Variants in ADAM10 observed in about 807,000 individuals in gnomAD.
The protein encoded by ADAM10 is ADAM metallopeptidase domain 10.
A neutral mutation model predicts 90.1 loss-of-function variants in ADAM10; 17 were observed. That is an observed-to-expected ratio of 0.19 (90% CI 0.13 to 0.28). The LOEUF is 0.28. ADAM10 is among the 10% of genes least tolerant of loss of function. The pLI, the probability that ADAM10 is intolerant of heterozygous loss-of-function variation, is 1.00. For missense variants in ADAM10, 610 were observed against 914.3 expected, an observed-to-expected ratio of 0.67 and a Z score of 4.29; for synonymous variants, 310 against 298.6, an observed-to-expected ratio of 1.04 and a Z score of -0.40.
intron 4 of ADAM10, among the ~76,000 whole-genome samples, chr15:58,676,846 C>A (rs1566990762): frequency 6.6e-6 from 1 of 152,030 alleles, no homozygotes. Context: ...ATAATAATTT[C>A]TTTAAAAAAA....
intron 1 of ADAM10, 116 bp from the exon 2 acceptor site, chr15:58,717,843 C>A: frequency 7.1e-7 from 1 of 1,412,322 alleles, no homozygotes; most frequent in Non-Finnish European, 9.5e-7. Context: ...CTAATCCCAG[C>A]ACTATTATGA....
intron 4 of ADAM10, chr15:58,676,071 C>A: frequency 3.8e-6 from 1 of 263,366 alleles, no homozygotes; most frequent in Non-Finnish European, 7.7e-6. Context: ...ATAAACACTG[C>A]TAAATATATT....
At chr15:58,621,730 A>T (rs1895793444) in intron 10 of ADAM10, 109 bp from the exon 11 acceptor site, 2 of 1,350,120 alleles carry the variant, frequency 1.5e-6, no homozygotes, top group African/African-American at 2.9e-5. Context: ...GAAAACTTTG[A>T]TGAATAAGTA....
intron 4 of ADAM10, among the ~76,000 whole-genome samples, chr15:58,668,227 T>C (rs377512241): frequency 3.9e-5 from 6 of 152,272 alleles, no homozygotes; most frequent in African/African-American, 1.4e-4. Context: ...GTATGGATAG[T>C]TTCTAAAAGT....
intron 4 of ADAM10, among the ~76,000 whole-genome samples, chr15:58,665,969 G>A (rs1175182107): frequency 1.3e-5 from 2 of 151,562 alleles, no homozygotes; most frequent in African/African-American, 4.8e-5. Flanking sequence ...TCCTACCTCA[G>A]TTTCTCATTT....
intron 2 of ADAM10, among the ~76,000 whole-genome samples, chr15:58,698,724 T>C (rs1421757122): frequency 6.6e-6 from 1 of 152,072 alleles, no homozygotes; most frequent in Non-Finnish European, 1.5e-5. Flanking sequence ...TTCACAACTT[T>C]AAGACAGGTA....
intron 2 of ADAM10, among the ~76,000 whole-genome samples, chr15:58,705,539 G>A (rs1425657334): frequency 1.3e-5 from 2 of 152,164 alleles, no homozygotes; most frequent in Non-Finnish European, 2.9e-5. Context: ...CCACGTCGTA[G>A]TAATAGCTGG....
At chr15:58,691,604 C>T (rs1897800301) in intron 2 of ADAM10, 1 of 475,020 alleles carries the variant, frequency 2.1e-6, no homozygotes, top group Non-Finnish European at 4.2e-6. Context: ...TAGAGAATAC[C>T]TCATCTAATT....
At chr15:58,626,374 T>C (rs1464768443) in intron 10 of ADAM10, among the ~76,000 whole-genome samples, 2 of 152,224 alleles carry the variant, frequency 1.3e-5, no homozygotes, top group Non-Finnish European at 2.9e-5. Context: ...GAAATCTTCC[T>C]GAATTCTTTC....
chr15:58,676,342 G>C (rs1375664237), intron 4 of ADAM10: 2 of 454,608 alleles, frequency 4.4e-6, no homozygotes, highest in Non-Finnish European at 8.8e-6. Flanking sequence ...ACGTTATTTT[G>C]AGAATTCAAT....
At chr15:58,649,155 C>T (rs1896625012) in intron 5 of ADAM10, among the ~76,000 whole-genome samples, 1 of 151,876 alleles carries the variant, frequency 6.6e-6, no homozygotes, top group Admixed American at 6.6e-5. Flanking sequence ...TTCTTTCTTG[C>T]CTTGTTTTGG....
At chr15:58,741,395 T>C (rs1185755645) in intron 1 of ADAM10, among the ~76,000 whole-genome samples, 2 of 152,204 alleles carry the variant, frequency 1.3e-5, no homozygotes, top group African/African-American at 4.8e-5. Context: ...TAAACTTCTA[T>C]AATCCAGCTA....
chr15:58,636,930 C>T (rs948931984), intron 8 of ADAM10, among the ~76,000 whole-genome samples: 31 of 152,188 alleles, frequency 2.0e-4, no homozygotes, highest in African/African-American at 7.5e-4. Context: ...AGGCATTTGG[C>T]TTTCAAGTCT....
intron 1 of ADAM10, chr15:58,747,998 G>A (rs911453684): frequency 6.6e-6 from 1 of 152,158 alleles, no homozygotes; most frequent in East Asian, 1.9e-4. Context: ...TGAAAGCCAC[G>A]TTTAGAACAG....
intron 1 of ADAM10, among the ~76,000 whole-genome samples, chr15:58,725,490 G>C (rs1000767096): frequency 6.6e-6 from 1 of 151,348 alleles, no homozygotes; most frequent in South Asian, 2.1e-4. Flanking sequence ...AGGTTGCAGT[G>C]AGCTATGATC....
intron 1 of ADAM10, among the ~76,000 whole-genome samples, chr15:58,727,547 G>C (rs1899081772): frequency 6.6e-6 from 1 of 152,066 alleles, no homozygotes; most frequent in Non-Finnish European, 1.5e-5. Context: ...GTCTAGGCTG[G>C]TCTCAAACAC....
At chr15:58,668,650 A>C (rs973752329) in intron 4 of ADAM10, among the ~76,000 whole-genome samples, 3 of 152,108 alleles carry the variant, frequency 2.0e-5, no homozygotes, top group African/African-American at 7.2e-5. Flanking sequence ...GGTAGTATGC[A>C]CTACCCCAGG....
chr15:58,649,849 C>G (rs533218919), intron 5 of ADAM10, among the ~76,000 whole-genome samples: 1 of 152,254 alleles, frequency 6.6e-6, no homozygotes, highest in African/African-American at 2.4e-5. Context: ...TGGAAAAATT[C>G]TCAGCCATTA....
At chr15:58,626,872 G>A (rs1399479669) in intron 10 of ADAM10, among the ~76,000 whole-genome samples, 1 of 152,160 alleles carries the variant, frequency 6.6e-6, no homozygotes, top group Non-Finnish European at 1.5e-5. Context: ...GTTTGCAAAT[G>A]AAGAGTGAAT....
Sources: gnomAD v4.1 joint callset for allele counts (sites outside exome capture counted in the v4.1 genomes callset) on GRCh38, gnomAD v4.1.1 for gene constraint, MANE v1.5 for transcripts, NCBI Gene and HGNC (gene_info 2026-07-23, HGNC 2026-07-21) for gene names.